HSPBAP1: variants seen among roughly 807,000 people sequenced by gnomAD.
HSPBAP1 encodes the protein HSPB1-associated protein 1.
Under a neutral mutation model 45.2 loss-of-function variants are expected in HSPBAP1, and 27 were observed. The ratio of observed to expected loss-of-function variants is 0.60; its 90% confidence interval spans 0.44 to 0.82. The LOEUF (loss-of-function observed/expected upper bound fraction) is 0.82. HSPBAP1 is among the 40% of genes least tolerant of loss of function. HSPBAP1 has a pLI of 0.00. For missense variants in HSPBAP1, 510 were observed against 590.9 expected (o/e 0.86, Z 1.42); for synonymous variants, 204 against 202.7 (o/e 1.01, Z -0.06).
chr3:122,792,734 G>A (rs991863708), intron 1 of HSPBAP1, among the ~76,000 whole-genome samples: 1 of 152,050 alleles, frequency 6.6e-6, no homozygotes, highest in Non-Finnish European at 1.5e-5. Context: ...TTAGCTGGGC[G>A]TGGTGGCACG....
At chr3:122,779,212 T>A (rs1935316601) in intron 1 of HSPBAP1, among the ~76,000 whole-genome samples, 1 of 151,726 alleles carries the variant, frequency 6.6e-6, no homozygotes, top group Non-Finnish European at 1.5e-5. Context: ...AGGTTAATTT[T>A]TTGTATTTTT....
chr3:122,780,211 CGGGGCGGCTGGCCGGGCGGGGGGCTG>C (rs1935374498), intron 1 of HSPBAP1, among the ~76,000 whole-genome samples: 4 of 71,250 alleles, frequency 5.6e-5, no homozygotes, highest in Admixed American at 1.2e-4. Context: ...CCCTCCCGGA[CGGGGCGGCTGGCCGGGCGGGGGGCTG>C]ACCCCCCCAC....
intron 6 of HSPBAP1, among the ~76,000 whole-genome samples, chr3:122,747,697 G>A (rs1376374135): frequency 1.1e-4 from 16 of 146,526 alleles, no homozygotes; most frequent in African/African-American, 2.0e-4. Flanking sequence ...CTGCCCAGCC[G>A]CCCCTACTGG....
chr3:122,741,407 A>G lies in HSPBAP1; in HGVS notation c.826-294T>C, dbSNP rs980450031. The G allele has an allele frequency of 2.3e-4, 72 of 317,706 alleles. 1 individual carries two copies. The highest frequency in any genetic ancestry group is 5.3e-4 in the Admixed American group (12 of 22,590). The allele number at this position is 317,706 out of a possible 1,614,324, so 19.7% of individuals were successfully genotyped here. Reference sequence around the variant, plus strand: ...TCTCCAATCTTTTCCATTATTTGACATGTTTAAAGTTTTTTTTTTAAAGTA... The same window carrying G: ...TCTCCAATCTTTTCCATTATTTGACGTGTTTAAAGTTTTTTTTTTAAAGTA... On this transcript the variant is annotated intron_variant, in intron 6 of 7. Transcript: ENST00000306103.
intron 6 of HSPBAP1, among the ~76,000 whole-genome samples, chr3:122,742,285 A>T (rs1933697717): frequency 6.6e-6 from 1 of 152,106 alleles, no homozygotes; most frequent in African/African-American, 2.4e-5. Context: ...GTGAAAAGGA[A>T]TGAACAGCTT....
At chr3:122,742,029 CTAGA>C (rs199941129) in intron 6 of HSPBAP1, among the ~76,000 whole-genome samples, 1,717 of 151,874 alleles carry the variant, frequency 0.011, 25 homozygotes, top group Non-Finnish European at 0.012. Flanking sequence ...TATACACAGT[CTAGA>C]TAAACTTTTG....
intron 1 of HSPBAP1, among the ~76,000 whole-genome samples, chr3:122,793,338 T>G (rs1411836364): frequency 6.6e-6 from 1 of 152,210 alleles, no homozygotes; most frequent in East Asian, 1.9e-4. Context: ...AAAACACCTC[T>G]ATTTAGCTAA....
intron 2 of HSPBAP1, 150 bp from the exon 3 acceptor site, chr3:122,769,032 C>T (rs990065228): frequency 1.0e-5 from 6 of 585,536 alleles, no homozygotes; most frequent in Non-Finnish European, 3.0e-6. Context: ...TGGTGCATGC[C>T]TGTAATCCTA....
At chr3:122,777,930 A>T in intron 1 of HSPBAP1, 24 bp from the exon 2 acceptor site, 1 of 1,536,250 alleles carries the variant, frequency 6.5e-7, no homozygotes, top group Non-Finnish European at 8.9e-7. Flanking sequence ...TGAATACAGC[A>T]ATAGATAGAA....
intron 6 of HSPBAP1, among the ~76,000 whole-genome samples, chr3:122,745,822 T>C (rs1933826867): frequency 6.6e-6 from 1 of 152,220 alleles, no homozygotes; most frequent in African/African-American, 2.4e-5. Flanking sequence ...CTGAGGTTAC[T>C]AAGGTCTATG....
At chr3:122,760,971 C>T (rs778448257) in intron 3 of HSPBAP1, among the ~76,000 whole-genome samples, 1 of 152,084 alleles carries the variant, frequency 6.6e-6, no homozygotes, top group Non-Finnish European at 1.5e-5. Context: ...GTGATAATCC[C>T]ATAAACAGAG....
Position 122,740,996 on chromosome 3 carries a change from C to A in HSPBAP1, c.936+7G>T. On this transcript the variant is annotated splice_region_variant and intron_variant, in intron 7 of 7. Transcript: ENST00000306103. ...AACTGCCATGATGAAGACCAGAAGC[C>A]GCCTACCTCAGTGGGGTTTAACCAG... 1 of 1,612,334 alleles carries A rather than the reference C, an allele frequency of 6.2e-7. No individual in the cohort carries two copies. Among genetic ancestry groups the A allele is most frequent in the Non-Finnish European group, 8.5e-7 (1 of 1,178,336 alleles).
chr3:122,789,230 C>G (rs567646617), intron 1 of HSPBAP1, among the ~76,000 whole-genome samples: 7 of 152,292 alleles, frequency 4.6e-5, no homozygotes, highest in African/African-American at 1.7e-4. Context: ...CAATTCCATA[C>G]AACTCTAGAT....
intron 1 of HSPBAP1, among the ~76,000 whole-genome samples, chr3:122,785,243 C>T (rs980942434): frequency 6.6e-6 from 1 of 152,204 alleles, no homozygotes; most frequent in Non-Finnish European, 1.5e-5. Context: ...TGCACGTGCA[C>T]TCATGGCAGG....
At chr3:122,792,930 C>T (rs1032298105) in intron 1 of HSPBAP1, among the ~76,000 whole-genome samples, 1 of 151,928 alleles carries the variant, frequency 6.6e-6, no homozygotes, top group African/African-American at 2.4e-5. Flanking sequence ...AAACTATTCG[C>T]TCCTTGAAGC....
intron 6 of HSPBAP1, among the ~76,000 whole-genome samples, chr3:122,749,630 G>A (rs764337336): frequency 2.0e-5 from 3 of 151,874 alleles, no homozygotes; most frequent in Non-Finnish European, 4.4e-5. Flanking sequence ...CTTTTTTTGA[G>A]ATGGAGTCTT....
At chr3:122,767,577 C>T (rs1934832008) in intron 3 of HSPBAP1, among the ~76,000 whole-genome samples, 1 of 151,568 alleles carries the variant, frequency 6.6e-6, no homozygotes, top group Admixed American at 6.6e-5. Context: ...ATGACAACAA[C>T]AACAAAAAAA....
intron 3 of HSPBAP1, among the ~76,000 whole-genome samples, chr3:122,762,695 C>T (rs1253208019): frequency 2.0e-5 from 3 of 152,066 alleles, no homozygotes; most frequent in Non-Finnish European, 4.4e-5. Flanking sequence ...ATCTTTTTGT[C>T]ATGAATTTTT....
intron 6 of HSPBAP1, chr3:122,741,441 A>C: frequency 3.8e-6 from 1 of 265,338 alleles, no homozygotes; most frequent in Non-Finnish European, 7.3e-6. Flanking sequence ...TACCACATAC[A>C]GAGGAATAAT....
Sources: allele counts gnomAD v4.1 joint callset (sites outside exome capture counted in the v4.1 genomes callset), GRCh38; gene constraint gnomAD v4.1.1; transcripts MANE v1.5; gene names NCBI Gene and HGNC (gene_info 2026-07-23, HGNC 2026-07-21).